Variants in SGCG observed in about 807,000 individuals in gnomAD.
SGCG encodes the protein gamma-sarcoglycan.
Under a neutral mutation model 29.3 loss-of-function variants are expected in SGCG, and 26 were observed. The observed-to-expected ratio is 0.89, with a 90% CI of 0.65 to 1.23. SGCG has a LOEUF of 1.23. Among genes scored for constraint, SGCG ranks in the 50% most tolerant of loss-of-function variants. SGCG has a pLI of 0.00. For synonymous variants in SGCG, 145 were observed against 129.7 expected (o/e 1.12, Z -0.80); for missense variants, 353 against 356.0 (o/e 0.99, Z 0.07).
At chr13:23,216,668 T>C (rs17078484) in intron 2 of SGCG, among the ~76,000 whole-genome samples, 14,074 of 152,156 alleles carry the variant, frequency 0.092, 870 homozygotes, top group South Asian at 0.2. Flanking sequence ...TTTCCAAAAT[T>C]TGCTGAGAGG....
In SGCG at chr13:23,324,686, G is replaced by C. The variant is rs150043089; in HGVS notation, c.*145G>C. 3,166 of 728,846 alleles carry C rather than the reference G, an allele frequency of 4.3e-3. 12 individuals are homozygous for C. Among genetic ancestry groups the C allele is most frequent in the South Asian group, 6.9e-3 (458 of 66,344 alleles). The allele number at this position is 728,846 out of a possible 1,614,324, so 45.1% of individuals were successfully genotyped here. ...AACTCAGAAAAAATTATGTGCCAGT[G>C]AAAGTGTTTGGACAAAAACTACATG... On this transcript the variant is annotated 3_prime_UTR_variant, in exon 8 of 8. Transcript: ENST00000218867.
At chr13:23,197,116 T>C (rs1384589840) in intron 1 of SGCG, among the ~76,000 whole-genome samples, 1 of 152,162 alleles carries the variant, frequency 6.6e-6, no homozygotes, top group East Asian at 1.9e-4. Context: ...GTGAATTATC[T>C]GTCACTAGCT....
chr13:23,176,015 CTTTAA>C (rs1429438898), upstream of SGCG, among the ~76,000 whole-genome samples: 3 of 152,070 alleles, frequency 2.0e-5, no homozygotes, highest in Non-Finnish European at 4.4e-5. Flanking sequence ...AAGATTGTAA[CTTTAA>C]TTAAAGAGGC....
chr13:23,298,705 G>T (rs1430475939), intron 6 of SGCG, among the ~76,000 whole-genome samples: 1 of 152,080 alleles, frequency 6.6e-6, no homozygotes, highest in Non-Finnish European at 1.5e-5. Flanking sequence ...AAATAATATA[G>T]ATTGTAGAAA....
chr13:23,177,728 T>C (rs1300992588), upstream of SGCG, among the ~76,000 whole-genome samples: 1 of 106,682 alleles, frequency 9.4e-6, no homozygotes, highest in Non-Finnish European at 2.0e-5. Flanking sequence ...TCTGCCACCA[T>C]GTCCGGCTAT....
rs1034876524 is a variant in SGCG at position 23,282,293 on chromosome 13, T to C, written c.505+2815T>C. On this transcript the variant is annotated intron_variant, in intron 5 of 7. Transcript: ENST00000218867. ...ATCCAAGGTCTGACTCTCTAAACAT[T>C]GTGTAGTGCAGGCTTTGTCGATCTT... Among the ~76,000 whole-genome samples, 4 of 152,224 alleles carry C rather than the reference T, an allele frequency of 2.6e-5. No homozygotes were observed. The East Asian group carries it at 5.8e-4, about 22-fold the overall frequency.
intron 6 of SGCG, among the ~76,000 whole-genome samples, chr13:23,307,193 T>G (rs1414054687): frequency 6.6e-6 from 1 of 152,170 alleles, no homozygotes; most frequent in African/African-American, 2.4e-5. Context: ...CACTGACTTC[T>G]GCAGTAATTA....
At chr13:23,279,595 G>T in intron 5 of SGCG, 117 bp downstream of exon 5, 1 of 1,042,950 alleles carries the variant, frequency 9.6e-7, no homozygotes, top group Non-Finnish European at 1.4e-6. Context: ...GTTTGAATGT[G>T]TTGCATTTTC....
At chr13:23,203,099 A>G (rs1258546106) in intron 1 of SGCG, among the ~76,000 whole-genome samples, 3 of 152,082 alleles carry the variant, frequency 2.0e-5, no homozygotes, top group Admixed American at 2.0e-4. Context: ...AGTTGGGACT[A>G]CAGGCGCCTG....
chr13:23,189,263 G>A (rs891804940), intron 1 of SGCG, among the ~76,000 whole-genome samples: 16 of 152,166 alleles, frequency 1.1e-4, no homozygotes, highest in African/African-American at 3.4e-4. Context: ...TGCAACCTCC[G>A]CCTCCTGGGT....
intron 5 of SGCG, among the ~76,000 whole-genome samples, chr13:23,281,569 C>G (rs1348577868): frequency 1.3e-5 from 2 of 152,118 alleles, no homozygotes; most frequent in Non-Finnish European, 2.9e-5. Flanking sequence ...CATGTTGACG[C>G]TCTCTGTAGA....
At chr13:23,282,325 GT>G (rs1381420786) in intron 5 of SGCG, among the ~76,000 whole-genome samples, 2 of 152,088 alleles carry the variant, frequency 1.3e-5, no homozygotes, top group African/African-American at 2.4e-5. Context: ...TCTTAACACT[GT>G]TTTTTTGTTT....
chr13:23,162,363 C>A, the SGCG span, among the ~76,000 whole-genome samples: 2 of 152,286 alleles, frequency 1.3e-5, no homozygotes, highest in East Asian at 3.9e-4. Context: ...GCCTGTAATC[C>A]CAGACCTTTG....
the SGCG span, among the ~76,000 whole-genome samples, chr13:23,160,874 A>T: frequency 6.6e-6 from 1 of 152,170 alleles, no homozygotes. Context: ...GCTCAGGGAC[A>T]AGAGTAAAAT....
At chr13:23,292,726 T>G (rs1881764140) in intron 5 of SGCG, among the ~76,000 whole-genome samples, 1 of 152,258 alleles carries the variant, frequency 6.6e-6, no homozygotes, top group Non-Finnish European at 1.5e-5. Flanking sequence ...CCTTTTGTTT[T>G]TATATCTTAG....
At position 23,203,884 on chromosome 13, in the gene SGCG, T is replaced by C. The variant is rs886042587; in HGVS notation, c.190T>C (p.Ser64Pro). Residue 64 changes from serine (S) to proline (P), a missense_variant, in exon 2 of 8, where the codon TCT becomes CCT. By Grantham distance (74) the Ser-to-Pro change is moderately conservative. Transcript: ENST00000218867. ...TTGGATTCTTAAAGTGATGTGGTTT[T>C]CTCCAGTAAGTATCATTATTTTCTG... ...TIWILKVMWFSPAGMGHLCVT... is the reference protein window; with the variant it reads ...TIWILKVMWFPPAGMGHLCVT... 2 of 1,601,230 alleles carry C rather than the reference T, an allele frequency of 1.2e-6. No individual in the cohort carries two copies. Among genetic ancestry groups the C allele is most frequent in the Non-Finnish European group, 1.7e-6 (2 of 1,168,348 alleles).
chr13:23,210,012 T>G (rs1300747766), intron 2 of SGCG, among the ~76,000 whole-genome samples: 3 of 152,196 alleles, frequency 2.0e-5, no homozygotes, highest in African/African-American at 7.2e-5. Flanking sequence ...TAAACGTACC[T>G]GATGACCCAT....
chr13:23,218,514 A>C (rs906939015), intron 2 of SGCG, among the ~76,000 whole-genome samples: 1 of 152,198 alleles, frequency 6.6e-6, no homozygotes, highest in African/African-American at 2.4e-5. Context: ...AAAATTATTT[A>C]AGTTGTTTAT....
At chr13:23,221,440 AT>A (rs1185257814) in intron 2 of SGCG, among the ~76,000 whole-genome samples, 1 of 152,266 alleles carries the variant, frequency 6.6e-6, no homozygotes, top group East Asian at 1.9e-4. Context: ...TAACCTATTA[AT>A]TTTAAAAAAT....
Sources: gnomAD v4.1 joint callset for allele counts (sites outside exome capture counted in the v4.1 genomes callset) on GRCh38, gnomAD v4.1.1 for gene constraint, MANE v1.5 for transcripts, NCBI Gene and HGNC (gene_info 2026-07-23, HGNC 2026-07-21) for gene names.